Variants in AGPS observed in about 807,000 individuals in gnomAD.
The protein encoded by AGPS is alkyldihydroxyacetonephosphate synthase, peroxisomal.
A neutral mutation model predicts 90.7 loss-of-function variants in AGPS; 26 were observed. That is an observed-to-expected ratio of 0.29 (90% CI 0.21 to 0.40). The LOEUF (loss-of-function observed/expected upper bound fraction) is 0.40. Among genes scored for constraint, AGPS ranks in the 10% least tolerant of loss-of-function variants. The pLI, the probability that AGPS is intolerant of heterozygous loss-of-function variation, is 1.00. For synonymous variants in AGPS, 294 were observed against 285.3 expected, an observed-to-expected ratio of 1.03 and a Z score of -0.31; for missense variants, 540 against 816.1, an observed-to-expected ratio of 0.66 and a Z score of 4.12.
intron 3 of AGPS, among the ~76,000 whole-genome samples, chr2:177,436,367 G>T (rs1214082807): frequency 1.3e-5 from 2 of 151,994 alleles, no homozygotes; most frequent in African/African-American, 4.8e-5. Flanking sequence ...AGCCAGGATG[G>T]TCTCAATCTC....
chr2:177,435,597 A>G (rs1478140714), intron 3 of AGPS, among the ~76,000 whole-genome samples: 2 of 152,098 alleles, frequency 1.3e-5, no homozygotes, highest in East Asian at 3.9e-4. Context: ...TGTTTAACTC[A>G]CTGTTGTATC....
At chr2:177,511,857 T>G (rs1378617834) in intron 16 of AGPS, among the ~76,000 whole-genome samples, 2 of 152,206 alleles carry the variant, frequency 1.3e-5, no homozygotes, top group African/African-American at 4.8e-5. Context: ...CTCCATCTCC[T>G]TTTCATTATT....
At chr2:177,448,263 C>T (rs189959139) in intron 8 of AGPS, among the ~76,000 whole-genome samples, 147 of 152,242 alleles carry the variant, frequency 9.7e-4, no homozygotes, top group Non-Finnish European at 1.3e-3. Flanking sequence ...ATTCCTACTT[C>T]GTGGGGTTTT....
intron 19 of AGPS, among the ~76,000 whole-genome samples, chr2:177,533,291 A>G (rs1344275785): frequency 6.6e-6 from 1 of 152,214 alleles, no homozygotes; most frequent in African/African-American, 2.4e-5. Flanking sequence ...TGAACATTAA[A>G]CTATTAATAT....
chr2:177,429,582 GGTTT>G (rs1270363654), intron 2 of AGPS, among the ~76,000 whole-genome samples: 4 of 152,112 alleles, frequency 2.6e-5, no homozygotes, highest in African/African-American at 9.7e-5. Flanking sequence ...GGGCTGCTGT[GGTTT>G]GTTTGGGGAT....
chr2:177,452,798 T>C (rs1215046568), intron 8 of AGPS, among the ~76,000 whole-genome samples: 2 of 152,170 alleles, frequency 1.3e-5, no homozygotes, highest in Admixed American at 1.3e-4. Flanking sequence ...TGATATGCTT[T>C]ATCTCTTTAG....
intron 5 of AGPS, among the ~76,000 whole-genome samples, chr2:177,437,405 A>G (rs1338044159): frequency 6.6e-6 from 1 of 152,146 alleles, no homozygotes; most frequent in Admixed American, 6.6e-5. Context: ...AGTACTGCAA[A>G]CTAATATTAG....
intron 1 of AGPS, among the ~76,000 whole-genome samples, chr2:177,407,125 T>C (rs78896911): frequency 0.11 from 15,981 of 152,190 alleles, 1,169 homozygotes; most frequent in East Asian, 0.34. Flanking sequence ...ACTGAATCTT[T>C]CTGGACCATT....
Position 177,442,437 on chromosome 2 carries a change from G to T in AGPS, c.740G>T (p.Cys247Phe), listed in dbSNP as rs1438769290. ...ACAAGTGTTTCATATGGCCTGATGTGTCCTGCAGATGAGACAAGAACAATT... is the reference window on the plus strand; with the variant it reads ...ACAAGTGTTTCATATGGCCTGATGTTTCCTGCAGATGAGACAAGAACAATT... ...GGTSVSYGLM[C>F]PADETRTIIS... Residue 247 changes from cysteine to phenylalanine, a missense_variant, in exon 7 of 20, where the codon TGT becomes TTT. Physicochemically the swap from Cys to Phe is radical, Grantham distance 205 (BLOSUM62 -2). Transcript: ENST00000264167. 6.8e-6 allele frequency: 11 copies of T among 1,613,708 alleles called. No homozygotes were observed. The highest frequency in any genetic ancestry group is 9.3e-6 in the Non-Finnish European group (11 of 1,179,796).
chr2:177,496,651 C>G (rs1688421310), intron 12 of AGPS, among the ~76,000 whole-genome samples: 4 of 152,028 alleles, frequency 2.6e-5, no homozygotes, highest in African/African-American at 9.7e-5. Flanking sequence ...CTGGTTAAGA[C>G]TTCTATTACT....
chr2:177,458,206 A>G (rs1687177296), intron 8 of AGPS, among the ~76,000 whole-genome samples: 1 of 152,196 alleles, frequency 6.6e-6, no homozygotes, highest in South Asian at 2.1e-4. Flanking sequence ...ATTAAGAGCT[A>G]TTTATGACAA....
At chr2:177,415,251 A>G (rs925791376) in intron 1 of AGPS, among the ~76,000 whole-genome samples, 1 of 152,202 alleles carries the variant, frequency 6.6e-6, no homozygotes, top group Non-Finnish European at 1.5e-5. Flanking sequence ...GCTCCAGGGA[A>G]TATATCAAAT....
At chr2:177,492,306 T>A (rs1284784706) in intron 11 of AGPS, among the ~76,000 whole-genome samples, 2 of 152,228 alleles carry the variant, frequency 1.3e-5, no homozygotes, top group African/African-American at 4.8e-5. Context: ...ATATGTTATA[T>A]GTATATTCTA....
intron 2 of AGPS, among the ~76,000 whole-genome samples, chr2:177,432,266 A>C (rs1365532738): frequency 6.6e-6 from 1 of 152,236 alleles, no homozygotes; most frequent in African/African-American, 2.4e-5. Flanking sequence ...GAAAGTGATA[A>C]ATTGATCTCA....
chr2:177,436,768 C>G lies in AGPS; in HGVS notation c.446C>G (p.Ser149Cys). The G allele has an allele frequency of 1.2e-6, 2 of 1,611,086 alleles. No individual in the cohort carries two copies. Among genetic ancestry groups the G allele is most frequent in the African/African-American group, 2.7e-5 (2 of 74,946 alleles). The change falls in exon 4 of 20, where the codon TCC (serine) becomes TGC (cysteine). Residue 149 changes from serine (S) to cysteine (C), a missense_variant. By Grantham distance (112) the Ser-to-Cys change is moderately radical. Around this residue, in one of 2 missense-constraint regions of AGPS, gnomAD observed 405 missense variants for 692.1 expected, o/e 0.59. Coordinates refer to ENST00000264167, the MANE Select transcript of AGPS (RefSeq NM_003659.4). ...NVEHKTTSKA[S>C]LNPSDTPPSV... ...GAAATCAATTTTATTTTCTAGGCAT[C>G]CTTAAATCCTAGTGATACACCTCCT... is the stretch of plus-strand genomic sequence containing the variant.
intron 2 of AGPS, among the ~76,000 whole-genome samples, chr2:177,422,559 A>G (rs925960034): frequency 1.3e-5 from 2 of 152,208 alleles, no homozygotes; most frequent in East Asian, 1.9e-4. Flanking sequence ...AGGAAAGTGA[A>G]TATCTGGCAA....
intron 7 of AGPS, among the ~76,000 whole-genome samples, chr2:177,445,053 T>A (rs964019451): frequency 3.3e-5 from 5 of 152,180 alleles, no homozygotes; most frequent in Admixed American, 2.6e-4. Context: ...TTGCAGATTG[T>A]TTTTTCTAAT....
chr2:177,540,872 C>T lies in AGPS; in HGVS notation c.*2677C>T, dbSNP rs909667085. 2.0e-5 allele frequency: 3 copies of T among 151,946 alleles called. No homozygotes were observed. Among genetic ancestry groups the T allele is most frequent in the African/African-American group, 7.2e-5 (3 of 41,382 alleles). The allele number at this position is 151,946 out of a possible 1,614,324, so 9.4% of individuals were successfully genotyped here. ...ACTCAATATGAACAGGCTTTATAGA[C>T]CCTTAGAGAAACTGTTGCCTTAATG... On this transcript the variant is annotated 3_prime_UTR_variant, in exon 20 of 20. Transcript: ENST00000264167.
intron 17 of AGPS, among the ~76,000 whole-genome samples, chr2:177,520,866 G>A (rs961154820): frequency 6.6e-6 from 1 of 152,112 alleles, no homozygotes; most frequent in Non-Finnish European, 1.5e-5. Context: ...GCTGCTGATA[G>A]TTCTCATTAC....
Sources: allele counts gnomAD v4.1 joint callset (sites outside exome capture counted in the v4.1 genomes callset), GRCh38; gene constraint gnomAD v4.1.1; regional missense constraint gnomAD v4.1.1; transcripts MANE v1.5; gene names NCBI Gene and HGNC (gene_info 2026-07-23, HGNC 2026-07-21).